WDR27: variants seen among roughly 807,000 people sequenced by gnomAD.
The protein encoded by WDR27 is WD repeat domain 27.
Under a neutral mutation model 114.4 loss-of-function variants are expected in WDR27, and 100 were observed. The observed-to-expected ratio is 0.87, with a 90% CI of 0.74 to 1.03. The LOEUF is 1.03. WDR27 is among the 50% of genes least tolerant of loss of function. The probability of loss-of-function intolerance (pLI) is 0.00; values close to 1 mark genes in which losing one functional copy is unlikely to be tolerated. For missense variants in WDR27, 1,129 were observed against 1,092.9 expected (o/e 1.03, Z -0.47); for synonymous variants, 449 against 423.1 (o/e 1.06, Z -0.75).
At chr6:169,561,519 G>T (rs2128114846) in intron 25 of WDR27, among the ~76,000 whole-genome samples, 1 of 151,998 alleles carries the variant, frequency 6.6e-6, no homozygotes, top group African/African-American at 2.4e-5. Context: ...CACAGCTAAA[G>T]ATTTATACTT....
At chr6:169,618,340 A>C (rs1423297705) in intron 21 of WDR27, among the ~76,000 whole-genome samples, 3 of 152,226 alleles carry the variant, frequency 2.0e-5, no homozygotes, top group Non-Finnish European at 4.4e-5. Flanking sequence ...GGCAAAGAGT[A>C]GTATCCTATC....
intron 19 of WDR27, among the ~76,000 whole-genome samples, chr6:169,635,486 T>G (rs771501245): frequency 1.2e-4 from 19 of 152,194 alleles, no homozygotes; most frequent in Non-Finnish European, 2.8e-4. Context: ...TTCCTCTGCA[T>G]GCAACCCGCC....
At chr6:169,483,804 A>T (rs1788518426) in intron 25 of WDR27, among the ~76,000 whole-genome samples, 1 of 152,020 alleles carries the variant, frequency 6.6e-6, no homozygotes, top group South Asian at 2.1e-4. Context: ...CAAACCCAAC[A>T]GCACATCCAA....
At chr6:169,564,978 A>G (rs1534961) in intron 25 of WDR27, among the ~76,000 whole-genome samples, 89,398 of 152,078 alleles carry the variant, frequency 0.59, 29,127 homozygotes, top group Non-Finnish European at 0.72. Flanking sequence ...CCAGCACACG[A>G]GAGCCGGGGA....
chr6:169,438,775 C>A, the WDR27 span, among the ~76,000 whole-genome samples: 1 of 152,148 alleles, frequency 6.6e-6, no homozygotes, highest in African/African-American at 2.4e-5. Flanking sequence ...AAGTAATCAG[C>A]CTAAGAAACA....
chr6:169,624,685 T>C (rs1191112469), intron 21 of WDR27, among the ~76,000 whole-genome samples: 1 of 152,198 alleles, frequency 6.6e-6, no homozygotes, highest in East Asian at 1.9e-4. Context: ...TTTAATTAAA[T>C]AATTTTCCCA....
intron 23 of WDR27, among the ~76,000 whole-genome samples, chr6:169,597,680 TCTGCTGAGCCTAC>T (rs1807078952): frequency 6.6e-6 from 1 of 152,204 alleles, no homozygotes; most frequent in Admixed American, 6.5e-5. Flanking sequence ...CTAAAGGTCT[TCTGCTGAGCCTAC>T]CTGTTTCTTG....
rs370080300 is a variant in WDR27 at position 169,543,880 on chromosome 6, G to A, written c.2645+28539C>T. On this transcript the variant is annotated intron_variant, in intron 25 of 25. Transcript: ENST00000448612. ...CAGATTTTTACCAATGCATGATTTT[G>A]TAACAACATGCATTAATCATATAGA... Among the ~76,000 whole-genome samples the A allele has an allele frequency of 2.1e-4, 32 of 152,202 alleles. 1 individual carries two copies. In the Middle Eastern group the frequency reaches 0.014, roughly 65 times the overall value.
chr6:169,452,390 C>T (rs546753999), downstream of WDR27, among the ~76,000 whole-genome samples: 22 of 152,356 alleles, frequency 1.4e-4, 1 homozygote, highest in South Asian at 2.7e-3. Flanking sequence ...TACTGACACG[C>T]GGTCCTTTGT....
intron 25 of WDR27, among the ~76,000 whole-genome samples, chr6:169,501,443 C>A (rs1336366222): frequency 6.6e-6 from 1 of 152,210 alleles, no homozygotes; most frequent in Admixed American, 6.5e-5. Context: ...ACAGAGAGAA[C>A]TAGGCTCCTT....
rs766859323 is a variant in WDR27 at position 169,660,644 on chromosome 6, T to C, written c.1129+19A>G. 5 of 1,597,490 alleles carry C rather than the reference T, an allele frequency of 3.1e-6. No individual in the cohort carries two copies. The highest frequency in any genetic ancestry group is 2.2e-5 in the East Asian group (1 of 44,818). Reference sequence around the variant, plus strand: ...AGGAAAACATTACAGTTACATGGCGTTGAAATCAAAGATCTTACCCTTGTA... The same window carrying C: ...AGGAAAACATTACAGTTACATGGCGCTGAAATCAAAGATCTTACCCTTGTA... On this transcript the variant is annotated intron_variant, in intron 10 of 25. Transcript: ENST00000448612.
intron 2 of WDR27, among the ~76,000 whole-genome samples, chr6:169,676,680 C>T (rs1780150068): frequency 6.6e-6 from 1 of 152,186 alleles, no homozygotes; most frequent in African/African-American, 2.4e-5. Context: ...TATCTTAACC[C>T]AGACATTCCT....
chr6:169,434,588 T>C, the WDR27 span, among the ~76,000 whole-genome samples: 1 of 152,210 alleles, frequency 6.6e-6, no homozygotes, highest in African/African-American at 2.4e-5. Context: ...ACTCTTGCTA[T>C]GTTTTAGCAA....
intron 25 of WDR27, among the ~76,000 whole-genome samples, chr6:169,538,867 C>T (rs962558919): frequency 4.6e-5 from 7 of 152,156 alleles, no homozygotes; most frequent in African/African-American, 1.7e-4. Context: ...TCCTATGATA[C>T]AATCCCATGA....
At chr6:169,652,122 T>C (rs1459696706) in intron 13 of WDR27, 114 bp from the exon 14 acceptor site, 1 of 878,142 alleles carries the variant, frequency 1.1e-6, no homozygotes, top group Non-Finnish European at 1.7e-6. Flanking sequence ...ACAGAATGAA[T>C]TCCTGACCAT....
the WDR27 span, among the ~76,000 whole-genome samples, chr6:169,430,899 A>G: frequency 2.6e-5 from 4 of 152,228 alleles, no homozygotes; most frequent in East Asian, 1.9e-4. Flanking sequence ...AGTGCCTACT[A>G]TGAAGAAATG....
At chr6:169,638,481 G>A in intron 18 of WDR27, 58 bp downstream of exon 18, 1 of 1,584,244 alleles carries the variant, frequency 6.3e-7, no homozygotes, top group Non-Finnish European at 8.6e-7. Flanking sequence ...TGAGACTTTT[G>A]AGAAGCTCTC....
intron 13 of WDR27, among the ~76,000 whole-genome samples, chr6:169,653,737 T>C (rs1411307432): frequency 6.6e-6 from 1 of 151,156 alleles, no homozygotes; most frequent in Non-Finnish European, 1.5e-5. Flanking sequence ...GAAAAGAAAA[T>C]GAGGACAAGA....
chr6:169,693,439 T>C (rs570109003), intron 1 of WDR27, among the ~76,000 whole-genome samples: 1 of 152,244 alleles, frequency 6.6e-6, no homozygotes, highest in East Asian at 1.9e-4. Context: ...AAAAAGGGTA[T>C]TTAGGCAGGA....
Sources: allele counts gnomAD v4.1 joint callset (sites outside exome capture counted in the v4.1 genomes callset), GRCh38; gene constraint gnomAD v4.1.1; transcripts MANE v1.5; gene names NCBI Gene and HGNC (gene_info 2026-07-23, HGNC 2026-07-21).